IAH1: variants seen among roughly 807,000 people sequenced by gnomAD.
The protein encoded by IAH1 is isoamyl acetate hydrolyzing esterase 1 (putative).
IAH1 carries 24 observed loss-of-function variants against 26.7 expected under a neutral mutation model. The observed-to-expected ratio is 0.90, with a 90% CI of 0.65 to 1.26. The LOEUF (loss-of-function observed/expected upper bound fraction) is 1.26. Among genes scored for constraint, IAH1 ranks in the 50% most tolerant of loss-of-function variants. The pLI, the probability that IAH1 is intolerant of heterozygous loss-of-function variation, is 0.00. For missense variants in IAH1, 300 were observed against 299.9 expected (o/e 1.00, Z 0.00); for synonymous variants, 140 against 118.5 (o/e 1.18, Z -1.18).
intron 6 of IAH1, among the ~76,000 whole-genome samples, chr2:9,495,103 C>A (rs1572882065): frequency 6.6e-6 from 1 of 152,232 alleles, no homozygotes; most frequent in East Asian, 1.9e-4. Flanking sequence ...TTTCTTGTCA[C>A]CCTGCTGACT....
At chr2:9,486,490 A>T (rs1661486334) in intron 5 of IAH1, 1 of 152,184 alleles carries the variant, frequency 6.6e-6, no homozygotes. Flanking sequence ...GCCGAAGAAG[A>T]AGTGCTACTA....
rs955687031 is a variant in IAH1 at position 9,488,486 on chromosome 2, T to C, written c.*157T>C. The C allele has an allele frequency of 1.1e-5, 6 of 531,576 alleles. No homozygotes were observed. The highest frequency in any genetic ancestry group is 9.6e-5 in the African/African-American group (5 of 51,816). 32.9% of individuals were successfully genotyped at this position (531,576 alleles called of 1,614,324 possible). On this transcript the variant is annotated 3_prime_UTR_variant, in exon 6 of 6. Transcript: ENST00000497473. ...CAGGGAAGTTTTATACTTAGGTCCA[T>C]TGTGTTTCGACAGTATTTATTAATG...
At chr2:9,501,984 AAG>A in the IAH1 span, among the ~76,000 whole-genome samples, 2 of 152,038 alleles carry the variant, frequency 1.3e-5, no homozygotes, top group Admixed American at 1.3e-4. Context: ...ATGGAAATGA[AAG>A]AGAAATAGAA....
chr2:9,492,618 G>C (rs1457095122), downstream of IAH1, among the ~76,000 whole-genome samples: 1 of 152,014 alleles, frequency 6.6e-6, no homozygotes, highest in Non-Finnish European at 1.5e-5. Flanking sequence ...CAAAGGACCT[G>C]GACAAATCCA....
intron 4 of IAH1, among the ~76,000 whole-genome samples, chr2:9,484,076 A>C (rs1210220647): frequency 6.6e-6 from 1 of 152,048 alleles, no homozygotes. Context: ...AGCCCTTACC[A>C]GCCCCCAGCC....
intron 1 of IAH1, 128 bp from the exon 2 acceptor site, chr2:9,475,859 C>G (rs1187711957): frequency 1.3e-6 from 1 of 744,118 alleles, no homozygotes; most frequent in Admixed American, 2.2e-5. Flanking sequence ...CCAAAATGAC[C>G]TCCTGGAGTG....
At chr2:9,490,701 T>G (rs892295318), downstream of IAH1, among the ~76,000 whole-genome samples, 1 of 152,188 alleles carries the variant, frequency 6.6e-6, no homozygotes, top group African/African-American at 2.4e-5. Flanking sequence ...GCAAAAGTAA[T>G]TAATGCCATT....
chr2:9,487,387 A>G (rs1411679157), intron 5 of IAH1: 1 of 152,116 alleles, frequency 6.6e-6, no homozygotes, highest in African/African-American at 2.4e-5. Context: ...GTCAAAAACA[A>G]TATTGACTCA....
chr2:9,498,134 A>G (rs1241694508), downstream of IAH1, among the ~76,000 whole-genome samples: 1 of 152,192 alleles, frequency 6.6e-6, no homozygotes, highest in Non-Finnish European at 1.5e-5. Context: ...GGTTCCGGCA[A>G]TCCTCCTGCC....
At chr2:9,490,461 G>A (rs889062988), downstream of IAH1, 4 of 1,613,952 alleles carry the variant, frequency 2.5e-6, no homozygotes, top group Admixed American at 5.0e-5. Flanking sequence ...TGGGGCGCAG[G>A]AAAGGGTTTG....
chr2:9,509,145 T>C, the IAH1 span, among the ~76,000 whole-genome samples: 9 of 152,224 alleles, frequency 5.9e-5, no homozygotes, highest in Non-Finnish European at 1.3e-4. Context: ...AAGCTCAAAA[T>C]AGGAGTCAGG....
chr2:9,497,028 C>T (rs1171774151), downstream of IAH1: 21 of 1,552,788 alleles, frequency 1.4e-5, no homozygotes, highest in Middle Eastern at 3.6e-4. Context: ...TGCTGTCATT[C>T]GCACAACCTC....
At chr2:9,506,426 G>C in the IAH1 span, among the ~76,000 whole-genome samples, 10 of 145,086 alleles carry the variant, frequency 6.9e-5, no homozygotes, top group African/African-American at 2.3e-4. Context: ...GACTACAGAG[G>C]CACAATCTTG....
At chr2:9,506,510 G>A in the IAH1 span, among the ~76,000 whole-genome samples, 3 of 152,010 alleles carry the variant, frequency 2.0e-5, no homozygotes, top group East Asian at 3.9e-4. Flanking sequence ...AGGACTACAG[G>A]TGCATGCCAC....
chr2:9,496,048 A>C (rs374547692), intron 6 of IAH1, among the ~76,000 whole-genome samples: 5 of 151,820 alleles, frequency 3.3e-5, no homozygotes, highest in Non-Finnish European at 7.4e-5. Flanking sequence ...TCCTCACTCC[A>C]CTGTATGGAT....
the IAH1 span, chr2:9,510,261 A>T: frequency 9.7e-7 from 1 of 1,032,940 alleles, no homozygotes; most frequent in Non-Finnish European, 1.4e-6. Flanking sequence ...CTGCATGCTT[A>T]TAATACCAGC....
chr2:9,495,293 G>A (rs1662487370), intron 6 of IAH1, among the ~76,000 whole-genome samples: 1 of 152,246 alleles, frequency 6.6e-6, no homozygotes, highest in African/African-American at 2.4e-5. Flanking sequence ...ACAGGTCACA[G>A]GATAAAACAC....
chr2:9,503,013 G>T, the IAH1 span, among the ~76,000 whole-genome samples: 1 of 150,840 alleles, frequency 6.6e-6, no homozygotes, highest in South Asian at 2.1e-4. Flanking sequence ...GGTGCTACAT[G>T]CCTGTAATCC....
chr2:9,481,214 G>A, intron 3 of IAH1, 72 bp from the exon 4 acceptor site: 1 of 1,520,650 alleles, frequency 6.6e-7, no homozygotes, highest in Admixed American at 1.8e-5. Context: ...GGCATTTGCA[G>A]AAGTGTGTTC....
Sources: gnomAD v4.1 joint callset for allele counts (sites outside exome capture counted in the v4.1 genomes callset) on GRCh38, gnomAD v4.1.1 for gene constraint, MANE v1.5 for transcripts, NCBI Gene and HGNC (gene_info 2026-07-23, HGNC 2026-07-21) for gene names.